PREX2: variants seen among roughly 807,000 people sequenced by gnomAD.
PREX2 encodes the protein phosphatidylinositol 3,4,5-trisphosphate-dependent Rac exchanger 2 protein.
A neutral mutation model predicts 203.2 loss-of-function variants in PREX2; 107 were observed. The observed-to-expected ratio is 0.53, with a 90% CI of 0.45 to 0.62. The LOEUF (loss-of-function observed/expected upper bound fraction) is 0.62. PREX2 is among the 20% of genes least tolerant of loss of function. The probability of loss-of-function intolerance (pLI) is 0.00; values close to 1 mark genes in which losing one functional copy is unlikely to be tolerated. For missense variants in PREX2, 1,777 were observed against 1,955.9 expected, an observed-to-expected ratio of 0.91 and a Z score of 1.72; for synonymous variants, 672 against 663.6, an observed-to-expected ratio of 1.01 and a Z score of -0.19.
chr8:67,958,219 G>A (rs935339724), intron 1 of PREX2, among the ~76,000 whole-genome samples: 26 of 152,190 alleles, frequency 1.7e-4, no homozygotes, highest in African/African-American at 4.8e-4. Context: ...TACTCTATGG[G>A]AGCTGCGACA....
intron 4 of PREX2, among the ~76,000 whole-genome samples, chr8:68,025,702 C>T (rs915282845): frequency 3.9e-5 from 6 of 151,974 alleles, no homozygotes; most frequent in African/African-American, 7.3e-5. Context: ...TGGGCTCAAG[C>T]GATCCTCTTA....
chr8:67,970,589 A>G (rs1585663853), intron 1 of PREX2, among the ~76,000 whole-genome samples: 1 of 152,252 alleles, frequency 6.6e-6, no homozygotes. Context: ...TATACCAAAC[A>G]TAACTTGGAG....
chr8:68,092,462 A>T (rs981010091), intron 20 of PREX2, among the ~76,000 whole-genome samples: 3 of 152,222 alleles, frequency 2.0e-5, no homozygotes, highest in Non-Finnish European at 4.4e-5. Flanking sequence ...TTAACATCTT[A>T]TCTAGAAAAT....
At chr8:68,128,477 T>C (rs567166130) in intron 31 of PREX2, among the ~76,000 whole-genome samples, 85 of 152,290 alleles carry the variant, frequency 5.6e-4, no homozygotes, top group African/African-American at 2.0e-3. Flanking sequence ...GTTTTATTGA[T>C]CTTGGCTGGG....
chr8:68,156,097 G>C (rs890260157), intron 34 of PREX2, among the ~76,000 whole-genome samples: 1 of 152,078 alleles, frequency 6.6e-6, no homozygotes, highest in South Asian at 2.1e-4. Flanking sequence ...GTCTTACTCT[G>C]TCCCCCAGAC....
At chr8:68,095,526 TACATAC>T (rs1467824344) in intron 21 of PREX2, among the ~76,000 whole-genome samples, 5 of 145,260 alleles carry the variant, frequency 3.4e-5, no homozygotes, top group African/African-American at 1.3e-4. Context: ...CATACATACA[TACATAC>T]ATATATGTGT....
At chr8:67,993,906 G>A (rs1042133840) in intron 1 of PREX2, among the ~76,000 whole-genome samples, 1 of 152,054 alleles carries the variant, frequency 6.6e-6, no homozygotes, top group African/African-American at 2.4e-5. Context: ...CTTTGATCTA[G>A]GATTCGAAGG....
intron 22 of PREX2, 21 bp downstream of exon 22, chr8:68,097,222 A>G: frequency 1.3e-6 from 2 of 1,578,708 alleles, no homozygotes; most frequent in African/African-American, 1.4e-5. Context: ...TGCTGAAGAA[A>G]TAAGATTTTT....
At chr8:68,231,023 G>A (rs1321829236) in intron 39 of PREX2, among the ~76,000 whole-genome samples, 4 of 152,216 alleles carry the variant, frequency 2.6e-5, no homozygotes, top group African/African-American at 7.2e-5. Flanking sequence ...AATCCAGAGA[G>A]TAGGTTTTAC....
chr8:68,014,832 A>G (rs1807368216), intron 1 of PREX2, among the ~76,000 whole-genome samples: 1 of 152,226 alleles, frequency 6.6e-6, no homozygotes, highest in Admixed American at 6.5e-5. Flanking sequence ...TCAGAATCGC[A>G]TAGAGGTCCT....
Position 67,995,233 on chromosome 8 carries a change from T to C in PREX2, c.142-22613T>C, listed in dbSNP as rs140572400. 6.2e-3 allele frequency among the ~76,000 whole-genome samples: 943 copies of C among 152,308 alleles called. 7 individuals are homozygous for C. The highest frequency in any genetic ancestry group is 0.022 in the African/African-American group (908 of 41,578). Reference sequence around the variant, plus strand: ...GTTTTCATGATTACATTTTTTGTGATAATAGCATTTTCTTATATCTTTTTA... The same window carrying C: ...GTTTTCATGATTACATTTTTTGTGACAATAGCATTTTCTTATATCTTTTTA... On this transcript the variant is annotated intron_variant, in intron 1 of 39. Transcript: ENST00000288368.
chr8:68,074,630 G>A (rs1563530996), intron 14 of PREX2, among the ~76,000 whole-genome samples: 1 of 152,144 alleles, frequency 6.6e-6, no homozygotes, highest in Non-Finnish European at 1.5e-5. Flanking sequence ...AAGGATAAGA[G>A]AACAACAAGT....
At position 68,156,700 on chromosome 8, in the gene PREX2, A is replaced by G. The variant is rs113093544; in HGVS notation, c.4232-622A>G. Among the ~76,000 whole-genome samples the G allele has an allele frequency of 3.3e-4, 50 of 152,172 alleles. 1 individual carries two copies. Among genetic ancestry groups the G allele is most frequent in the African/African-American group, 1.1e-3 (47 of 41,522 alleles). On this transcript the variant is annotated intron_variant, in intron 34 of 39. Transcript: ENST00000288368. ...TTTGAACTTAGGCTTAAATATAACC[A>G]TTTTCTACTGAGAAGAAGGGTCTAG...
intron 1 of PREX2, among the ~76,000 whole-genome samples, chr8:67,997,220 T>C (rs1806791143): frequency 6.6e-6 from 1 of 152,168 alleles, no homozygotes; most frequent in Admixed American, 6.5e-5. Flanking sequence ...TTAACCCTCA[T>C]GTTTGAGTCT....
intron 8 of PREX2, 39 bp downstream of exon 8, chr8:68,044,629 A>G (rs771847577): frequency 7.1e-7 from 1 of 1,401,706 alleles, no homozygotes; most frequent in Non-Finnish European, 1.0e-6. Context: ...TGCCAATAGT[A>G]AATAGAAAAC....
chr8:68,127,209 C>G (rs776003215), intron 30 of PREX2, among the ~76,000 whole-genome samples, 169 bp from the exon 31 acceptor site: 56 of 152,046 alleles, frequency 3.7e-4, no homozygotes, highest in Non-Finnish European at 6.9e-4. Context: ...TAGGTTGGTG[C>G]AAAAGTAATT....
chr8:68,134,359 C>A, intron 32 of PREX2, 83 bp downstream of exon 32: 1 of 1,113,394 alleles, frequency 9.0e-7, no homozygotes, highest in Non-Finnish European at 1.3e-6. Flanking sequence ...GTAGTTATTT[C>A]TTTCCCGCTG....
Position 68,134,047 on chromosome 8 carries a change from C to G in PREX2, c.3767-12C>G, listed in dbSNP as rs757248042. On this transcript the variant is annotated splice_polypyrimidine_tract_variant and intron_variant, in intron 31 of 39. Transcript: ENST00000288368. ...TTTTTCGAAGCATTCTCTATGTTCT[C>G]TTTGATCACAGATAGTGAGACACAG... 4 of 1,610,468 alleles carry G rather than the reference C, an allele frequency of 2.5e-6. No homozygotes were observed. Among genetic ancestry groups the G allele is most frequent in the Non-Finnish European group, 3.4e-6 (4 of 1,176,864 alleles).
intron 17 of PREX2, chr8:68,082,256 C>G (rs1809553273): frequency 6.6e-6 from 1 of 152,124 alleles, no homozygotes; most frequent in South Asian, 2.1e-4. Context: ...GCAAACTTCT[C>G]AATATTTAGA....
Sources: gnomAD v4.1 joint callset for allele counts (sites outside exome capture counted in the v4.1 genomes callset) on GRCh38, gnomAD v4.1.1 for gene constraint, MANE v1.5 for transcripts, NCBI Gene and HGNC (gene_info 2026-07-23, HGNC 2026-07-21) for gene names.